SPATA25: variants seen among roughly 807,000 people sequenced by gnomAD.
The protein encoded by SPATA25 is spermatogenesis associated 25.
Under a neutral mutation model 16.0 loss-of-function variants are expected in SPATA25, and 16 were observed. That is an observed-to-expected ratio of 1.00 (90% CI 0.68 to 1.52). SPATA25 has a LOEUF of 1.52. Among genes scored for constraint, SPATA25 ranks in the 40% most tolerant of loss-of-function variants. The pLI, the probability that SPATA25 is intolerant of heterozygous loss-of-function variation, is 0.00. For synonymous variants in SPATA25, 115 were observed against 118.5 expected (o/e 0.97, Z 0.19); for missense variants, 285 against 289.2 (o/e 0.99, Z 0.11).
chr20:45,890,445 G>T, upstream of SPATA25: 1 of 1,608,384 alleles, frequency 6.2e-7, no homozygotes, highest in Non-Finnish European at 8.5e-7. Context: ...CGCGCGGTCG[G>T]AGGCAGCACG....
At position 45,887,068 on chromosome 20, in the gene SPATA25, C is replaced by T. The variant is rs778212652; in HGVS notation, c.133G>A (p.Gly45Ser). 5.6e-6 allele frequency: 9 copies of T among 1,608,208 alleles called. 1 individual carries two copies. The South Asian group carries it at 9.9e-5, about 18-fold the overall frequency. ...EPVVVASGGT[G>S]PLSQKAEQVA... ...TGCTCAGCTTTCTGGCTCAGTGGGC[C>T]TGTTCCACCAGAGGCCACCACCACT... The change falls in exon 2 of 2, where the codon GGC becomes AGC. Residue 45 changes from glycine to serine, a missense_variant. Gly to Ser is a moderately conservative substitution (Grantham distance 56). Transcript: ENST00000372519.
At chr20:45,888,495 A>T (rs1986567887), upstream of SPATA25, 2 of 437,040 alleles carry the variant, frequency 4.6e-6, 1 homozygote, top group Admixed American at 7.8e-5. Flanking sequence ...GGACACCAGC[A>T]CTCTTTACAT....
upstream of SPATA25, chr20:45,887,632 C>T (rs1187423267): frequency 2.5e-6 from 4 of 1,593,142 alleles, no homozygotes; most frequent in African/African-American, 1.3e-5. Context: ...TAGTGATCTG[C>T]CGCCTGTCCT....
chr20:45,888,629 A>T, upstream of SPATA25: 1 of 831,958 alleles, frequency 1.2e-6, no homozygotes, highest in Non-Finnish European at 1.9e-6. Context: ...GAGACCTTCC[A>T]GTGATCAAGA....
chr20:45,888,781 T>A, upstream of SPATA25: 1 of 1,614,106 alleles, frequency 6.2e-7, no homozygotes, highest in Non-Finnish European at 8.5e-7. Flanking sequence ...CAGAAATCCT[T>A]AAGTTCTTTG....
At chr20:45,889,826 C>G (rs563369759), upstream of SPATA25, among the ~76,000 whole-genome samples, 1 of 152,282 alleles carries the variant, frequency 6.6e-6, no homozygotes, top group Non-Finnish European at 1.5e-5. Flanking sequence ...GTTGGCCAGG[C>G]TGGTCTCGAA....
upstream of SPATA25, chr20:45,890,664 T>TGTGG: frequency 6.2e-7 from 1 of 1,613,524 alleles, no homozygotes. Flanking sequence ...AAGACCCAGG[T>TGTGG]GTGGCCCAGG....
upstream of SPATA25, chr20:45,887,700 C>G (rs1986538110): frequency 2.0e-6 from 2 of 991,500 alleles, no homozygotes; most frequent in Admixed American, 4.7e-5. Flanking sequence ...CACTTGGAAT[C>G]CACTTTACAG....
chr20:45,888,664 G>C (rs1986575866), upstream of SPATA25: 1 of 1,191,830 alleles, frequency 8.4e-7, no homozygotes, highest in African/African-American at 1.5e-5. Flanking sequence ...GTTTATTTCT[G>C]GTCTTGGCTG....
chr20:45,889,619 CTCTT>C (rs10639182), upstream of SPATA25, among the ~76,000 whole-genome samples: 3 of 150,434 alleles, frequency 2.0e-5, no homozygotes, highest in East Asian at 2.0e-4. Flanking sequence ...CTCTCTCTCT[CTCTT>C]TCTTTTTTTT....
At chr20:45,890,653 GAA>G, upstream of SPATA25, 1 of 1,613,490 alleles carries the variant, frequency 6.2e-7, no homozygotes, top group Non-Finnish European at 8.5e-7. Context: ...GCGTGATGGC[GAA>G]GACCCAGGTG....
upstream of SPATA25, chr20:45,890,145 A>T: frequency 7.8e-7 from 1 of 1,281,132 alleles, no homozygotes; most frequent in Non-Finnish European, 1.1e-6. Context: ...TCCCACTCTT[A>T]AACTAGTGCC....
chr20:45,888,789 T>G (rs146400005), upstream of SPATA25: 199 of 1,614,044 alleles, frequency 1.2e-4, no homozygotes, highest in Non-Finnish European at 1.6e-4. Flanking sequence ...CTTAAGTTCT[T>G]TGGGCAGGTG....
upstream of SPATA25, chr20:45,888,650 G>C: frequency 2.0e-6 from 2 of 1,005,998 alleles, 1 homozygote; most frequent in South Asian, 3.0e-5. Flanking sequence ...TGTCAGCATC[G>C]GCTGTTTATT....
intron 1 of SPATA25, 78 bp from the exon 2 acceptor site, chr20:45,887,223 A>G (rs1304668274): frequency 6.7e-7 from 1 of 1,502,266 alleles, no homozygotes; most frequent in Non-Finnish European, 8.9e-7. Context: ...GCATGGGAGC[A>G]GAGCTTGGGG....
upstream of SPATA25, chr20:45,890,142 C>T (rs1487633972): frequency 6.3e-6 from 8 of 1,264,102 alleles, no homozygotes; most frequent in Admixed American, 1.5e-4. Flanking sequence ...TTCTCCCACT[C>T]TTAAACTAGT....
chr20:45,890,612 C>T (rs1374929338), upstream of SPATA25: 1 of 1,612,640 alleles, frequency 6.2e-7, no homozygotes, highest in Non-Finnish European at 8.5e-7. Context: ...CGCCTCCGGG[C>T]GGCCCTCCCG....
upstream of SPATA25, among the ~76,000 whole-genome samples, chr20:45,889,455 C>T (rs1336467509): frequency 2.0e-5 from 3 of 151,878 alleles, no homozygotes; most frequent in Admixed American, 6.6e-5. Flanking sequence ...TGGGCTCAAG[C>T]GATCCTCCTG....
At position 45,887,098 on chromosome 20, in the gene SPATA25, C is replaced by G. The variant is rs760070682; in HGVS notation, c.103G>C (p.Glu35Gln). Reference sequence around the variant, plus strand: ...CCACCAGAGGCCACCACCACTGGCTCTACAGGACTACAGAGGCCAAGGGAC... The same window carrying G: ...CCACCAGAGGCCACCACCACTGGCTGTACAGGACTACAGAGGCCAAGGGAC... Reference protein sequence around the residue: ...GLSLGLCSPVEPVVVASGGTG... With the variant: ...GLSLGLCSPVQPVVVASGGTG... The change falls in exon 2 of 2, where the codon GAG becomes CAG. Residue 35 changes from glutamate to glutamine, a missense_variant. By Grantham distance (29) the Glu-to-Gln change is conservative. Coordinates refer to ENST00000372519, the MANE Select transcript of SPATA25 (RefSeq NM_080608.4). The G allele has an allele frequency of 1.9e-6, 3 of 1,603,260 alleles. No homozygotes were observed. The South Asian group carries it at 3.3e-5, about 18-fold the overall frequency.
Sources: gnomAD v4.1 joint callset for allele counts (sites outside exome capture counted in the v4.1 genomes callset) on GRCh38, gnomAD v4.1.1 for gene constraint, MANE v1.5 for transcripts, NCBI Gene and HGNC (gene_info 2026-07-23, HGNC 2026-07-21) for gene names.